The following KLHL2 variants were observed in gnomAD, a reference collection of about 807,000 sequenced individuals.
KLHL2 encodes kelch like family member 2.
KLHL2 carries 15 observed loss-of-function variants against 75.8 expected under a neutral mutation model. That is an observed-to-expected ratio of 0.20 (90% CI 0.13 to 0.30). The LOEUF (loss-of-function observed/expected upper bound fraction) is 0.30, where lower values mean the gene tolerates loss of function less well. KLHL2 is among the 10% of genes least tolerant of loss of function. The probability of loss-of-function intolerance (pLI) is 1.00; values close to 1 mark genes in which losing one functional copy is unlikely to be tolerated. For missense variants in KLHL2, 381 were observed against 741.0 expected (o/e 0.51, Z 5.64); for synonymous variants, 214 against 251.9 (o/e 0.85, Z 1.42).
At chr4:165,287,367 A>G (rs1213503928) in intron 5 of KLHL2, among the ~76,000 whole-genome samples, 1 of 152,144 alleles carries the variant, frequency 6.6e-6, no homozygotes, top group Admixed American at 6.5e-5. Flanking sequence ...TATATAGTGT[A>G]TGTATATACC....
intron 2 of KLHL2, among the ~76,000 whole-genome samples, chr4:165,227,507 G>C (rs970145148): frequency 2.0e-5 from 3 of 152,134 alleles, no homozygotes; most frequent in Non-Finnish European, 4.4e-5. Flanking sequence ...AAGTAGGCAG[G>C]CCACCTTTTT....
At chr4:165,235,831 G>A (rs1739300941) in intron 3 of KLHL2, among the ~76,000 whole-genome samples, 1 of 152,244 alleles carries the variant, frequency 6.6e-6, no homozygotes, top group African/African-American at 2.4e-5. Flanking sequence ...TGTTCAACAA[G>A]AGCATCAGGG....
Position 165,297,673 on chromosome 4 carries a change from G to T in KLHL2, c.719G>T (p.Arg240Leu). ...GATGTGAGGCAAGAGTTTATGGCCC[G>T]ACTGATGGAACATGTACGGTTACCT... ...DKDVRQEFMA[R>L]LMEHVRLPLL... Residue 240 changes from arginine to leucine, a missense_variant, in exon 7 of 15, where the codon CGA (arginine) becomes CTA (leucine). Arg to Leu is a moderately radical substitution (Grantham distance 102, BLOSUM62 -2). This residue lies in a region of KLHL2 where 111 missense variants were observed against 150.1 expected (regional missense o/e 0.74). Transcript: ENST00000226725. 1.9e-6 allele frequency: 3 copies of T among 1,613,960 alleles called. No individual in the cohort carries two copies. Among genetic ancestry groups the T allele is most frequent in the Non-Finnish European group, 2.5e-6 (3 of 1,179,868 alleles).
chr4:165,321,073 T>C (rs1746941168), intron 14 of KLHL2, among the ~76,000 whole-genome samples: 1 of 152,224 alleles, frequency 6.6e-6, no homozygotes, highest in African/African-American at 2.4e-5. Context: ...TTCTATGATA[T>C]GTGCACTGTA....
chr4:165,305,573 C>A, intron 8 of KLHL2, 35 bp from the exon 9 acceptor site: 1 of 1,489,850 alleles, frequency 6.7e-7, no homozygotes, highest in South Asian at 1.1e-5. Flanking sequence ...ATGTAATAGT[C>A]ATTTGTTCAA....
intron 1 of KLHL2, among the ~76,000 whole-genome samples, chr4:165,216,733 G>A (rs1737566319): frequency 6.6e-6 from 1 of 152,118 alleles, no homozygotes; most frequent in Non-Finnish European, 1.5e-5. Flanking sequence ...AAGCCACACA[G>A]GGAATGGAAA....
intron 5 of KLHL2, among the ~76,000 whole-genome samples, chr4:165,291,721 A>G (rs1744523966): frequency 6.6e-6 from 1 of 152,076 alleles, no homozygotes; most frequent in Non-Finnish European, 1.5e-5. Context: ...TGGGGTATTG[A>G]TTCTAGGACC....
At chr4:165,237,210 A>C (rs1185408201) in intron 3 of KLHL2, among the ~76,000 whole-genome samples, 1 of 152,174 alleles carries the variant, frequency 6.6e-6, no homozygotes, top group Non-Finnish European at 1.5e-5. Flanking sequence ...TCCAGCAAGA[A>C]TAGGATAGAG....
chr4:165,277,398 G>A (rs1355129239), intron 5 of KLHL2, among the ~76,000 whole-genome samples: 1 of 152,152 alleles, frequency 6.6e-6, no homozygotes, highest in Non-Finnish European at 1.5e-5. Flanking sequence ...AAATATCCAA[G>A]CTATGAGAAC....
At chr4:165,222,113 A>G (rs1738044930) in intron 2 of KLHL2, among the ~76,000 whole-genome samples, 1 of 151,822 alleles carries the variant, frequency 6.6e-6, no homozygotes, top group African/African-American at 2.4e-5. Flanking sequence ...CCTGGGCATG[A>G]CTCACTAAAC....
intron 1 of KLHL2, chr4:165,219,713 C>A (rs936555541): frequency 3.1e-6 from 4 of 1,284,230 alleles, no homozygotes; most frequent in Non-Finnish European, 3.9e-6. Context: ...GGAACTTGGA[C>A]ACCAGGGAGG....
intron 4 of KLHL2, among the ~76,000 whole-genome samples, chr4:165,248,869 C>T (rs10213277): frequency 0.27 from 41,692 of 152,014 alleles, 5,912 homozygotes; most frequent in Non-Finnish European, 0.3. Context: ...GTTTCATGAA[C>T]AGTAGAGATG....
At chr4:165,299,136 G>A (rs1265331326) in intron 7 of KLHL2, among the ~76,000 whole-genome samples, 1 of 152,120 alleles carries the variant, frequency 6.6e-6, no homozygotes, top group Admixed American at 6.5e-5. Context: ...GTCTTCACCT[G>A]AAGGATGTAT....
chr4:165,305,034 G>A (rs1383795291), intron 8 of KLHL2, among the ~76,000 whole-genome samples: 1 of 152,112 alleles, frequency 6.6e-6, no homozygotes, highest in African/African-American at 2.4e-5. Flanking sequence ...GTCCTGTTAG[G>A]TTGTTTTATT....
intron 5 of KLHL2, among the ~76,000 whole-genome samples, chr4:165,269,088 T>G (rs901180310): frequency 3.9e-5 from 6 of 152,224 alleles, no homozygotes; most frequent in Non-Finnish European, 7.3e-5. Context: ...TCTCTTTTGA[T>G]CTTTGTTGGT....
At chr4:165,288,495 G>T (rs1056204731) in intron 5 of KLHL2, among the ~76,000 whole-genome samples, 1 of 152,062 alleles carries the variant, frequency 6.6e-6, no homozygotes, top group Admixed American at 6.5e-5. Flanking sequence ...TCTAGCCACT[G>T]AAAAAATGCA....
At chr4:165,304,147 C>T (rs1156631111) in intron 8 of KLHL2, among the ~76,000 whole-genome samples, 1 of 152,134 alleles carries the variant, frequency 6.6e-6, no homozygotes, top group Non-Finnish European at 1.5e-5. Flanking sequence ...TCCCAAAGTG[C>T]TGGGATTACA....
At chr4:165,231,634 C>G (rs568477043) in intron 3 of KLHL2, among the ~76,000 whole-genome samples, 1 of 152,270 alleles carries the variant, frequency 6.6e-6, no homozygotes, top group East Asian at 1.9e-4. Flanking sequence ...TGTGGATAGA[C>G]TGCTTTTGAC....
At chr4:165,297,892 C>T (rs767670113) in intron 7 of KLHL2, among the ~76,000 whole-genome samples, 167 bp downstream of exon 7, 7 of 152,288 alleles carry the variant, frequency 4.6e-5, no homozygotes, top group South Asian at 4.1e-4. Context: ...GGCGTCATCT[C>T]GGCTCTCCGC....
Sources: gnomAD v4.1 joint callset for allele counts (sites outside exome capture counted in the v4.1 genomes callset) on GRCh38, gnomAD v4.1.1 for gene constraint, gnomAD v4.1.1 regional missense constraint, MANE v1.5 for transcripts, NCBI Gene and HGNC (gene_info 2026-07-23, HGNC 2026-07-21) for gene names.